The following GRM7 variants were observed in gnomAD, a reference collection of about 807,000 sequenced individuals.
GRM7 encodes the protein metabotropic glutamate receptor 7.
In GRM7, 35 loss-of-function variants were observed where a neutral mutation model predicts 84.5. The observed-to-expected ratio is 0.41, with a 90% confidence interval of 0.32 to 0.55. The LOEUF (loss-of-function observed/expected upper bound fraction) is 0.55, where lower values mean the gene tolerates loss of function less well. GRM7 is among the 20% of genes least tolerant of loss of function. GRM7 has a pLI of 0.19. For missense variants in GRM7, 1,003 were observed against 1,194.6 expected, an observed-to-expected ratio of 0.84 and a Z score of 2.36; for synonymous variants, 487 against 455.1, an observed-to-expected ratio of 1.07 and a Z score of -0.89.
chr3:7,291,286 T>A (rs1445659924), intron 2 of GRM7, among the ~76,000 whole-genome samples: 1 of 152,168 alleles, frequency 6.6e-6, no homozygotes, highest in Non-Finnish European at 1.5e-5. Flanking sequence ...TTTCATTTTC[T>A]CCCATATCAG....
chr3:7,665,390 T>C (rs980851727), intron 8 of GRM7, among the ~76,000 whole-genome samples: 1 of 151,888 alleles, frequency 6.6e-6, no homozygotes, highest in Admixed American at 6.5e-5. Flanking sequence ...TTAGCCAGGA[T>C]GGTCTCGATC....
chr3:7,044,179 T>G (rs193055509), intron 1 of GRM7, among the ~76,000 whole-genome samples: 48 of 152,310 alleles, frequency 3.2e-4, no homozygotes, highest in Admixed American at 2.7e-3. Flanking sequence ...CTTCTGTTTA[T>G]CTTCCAGACT....
chr3:7,009,613 A>G (rs1695301075), intron 1 of GRM7, among the ~76,000 whole-genome samples: 1 of 152,200 alleles, frequency 6.6e-6, no homozygotes, highest in African/African-American at 2.4e-5. Flanking sequence ...ATCAACAAAC[A>G]TAATGGATTT....
chr3:7,482,222 T>A (rs1025021125), intron 7 of GRM7, among the ~76,000 whole-genome samples: 1 of 151,958 alleles, frequency 6.6e-6, no homozygotes, highest in Non-Finnish European at 1.5e-5. Flanking sequence ...AAAACAGAAA[T>A]GAATATTTCA....
intron 8 of GRM7, among the ~76,000 whole-genome samples, chr3:7,652,773 T>A (rs914362101): frequency 6.6e-6 from 1 of 152,148 alleles, no homozygotes; most frequent in African/African-American, 2.4e-5. Context: ...AAGATGACAA[T>A]AAGGCCCAGA....
chr3:7,650,363 T>C (rs1264635521), intron 8 of GRM7, among the ~76,000 whole-genome samples: 2 of 152,204 alleles, frequency 1.3e-5, no homozygotes, highest in East Asian at 3.9e-4. Context: ...TACCCGTCTC[T>C]TATGCTGTGC....
At chr3:7,444,161 G>A (rs1267921766) in intron 5 of GRM7, among the ~76,000 whole-genome samples, 1 of 152,164 alleles carries the variant, frequency 6.6e-6, no homozygotes, top group South Asian at 2.1e-4. Context: ...TGAATGTCCT[G>A]AAAGTTCAAC....
intron 1 of GRM7, among the ~76,000 whole-genome samples, chr3:6,876,748 C>G (rs977058944): frequency 6.6e-6 from 1 of 151,844 alleles, no homozygotes; most frequent in Admixed American, 6.6e-5. Flanking sequence ...ATTATAGGCA[C>G]CCGTCACCAC....
rs147450563 is a variant in GRM7 at position 7,016,770 on chromosome 3, A to C, written c.520-129682A>C. Among the ~76,000 whole-genome samples the C allele has an allele frequency of 1.9e-3, 294 of 152,302 alleles. 2 individuals are homozygous for C. The highest frequency in any genetic ancestry group is 6.8e-3 in the African/African-American group (282 of 41,560). On this transcript the variant is annotated intron_variant, in intron 1 of 9. Coordinates refer to ENST00000357716, the MANE Select transcript of GRM7 (RefSeq NM_000844.4). ...TACAATATGTGACGTATTCATTTTA[A>C]TCCTCATGATTGCCACTATAGTATT...
At chr3:7,092,576 C>T (rs1698704820) in intron 1 of GRM7, among the ~76,000 whole-genome samples, 1 of 144,010 alleles carries the variant, frequency 6.9e-6, no homozygotes, top group Non-Finnish European at 1.5e-5. Flanking sequence ...TTGATGTTTT[C>T]AGCTGTAAAA....
chr3:6,894,387 C>T (rs4108607), intron 1 of GRM7, among the ~76,000 whole-genome samples: 84,376 of 151,892 alleles, frequency 0.56, 25,695 homozygotes, highest in African/African-American at 0.83. Flanking sequence ...AAGCAAATCC[C>T]ACTTCTAGCT....
At chr3:7,407,969 C>G (rs770976777) in intron 4 of GRM7, among the ~76,000 whole-genome samples, 11 of 152,172 alleles carry the variant, frequency 7.2e-5, no homozygotes, top group Non-Finnish European at 1.3e-4. Flanking sequence ...ATGCTGGACA[C>G]TGTTCTAAAA....
chr3:7,486,036 C>A lies in GRM7; in HGVS notation c.1515+24314C>A, dbSNP rs1370521694. Among the ~76,000 whole-genome samples, 7 of 152,256 alleles carry A rather than the reference C, an allele frequency of 4.6e-5. No individual in the cohort carries two copies. The highest frequency in any genetic ancestry group is 1.4e-4 in the African/African-American group (6 of 41,542). On this transcript the variant is annotated intron_variant, in intron 7 of 9. Coordinates refer to ENST00000357716, the MANE Select transcript of GRM7 (RefSeq NM_000844.4). The surrounding 1 kb of genome is among the most constrained non-coding windows in gnomAD (Gnocchi z 5.5). The stretch of plus-strand genomic sequence containing the variant: ...AATACAGTAAATGTGTATTTATTTA[C>A]ATACCACATCTTATAGAAGTTGAGA...
At chr3:6,945,647 C>T (rs912955557) in intron 1 of GRM7, among the ~76,000 whole-genome samples, 1 of 152,098 alleles carries the variant, frequency 6.6e-6, no homozygotes, top group Non-Finnish European at 1.5e-5. Flanking sequence ...CACCGACTTC[C>T]ACAATGGTTG....
chr3:7,585,447 C>G (rs1345742831), intron 8 of GRM7, among the ~76,000 whole-genome samples: 1 of 152,038 alleles, frequency 6.6e-6, no homozygotes, highest in Non-Finnish European at 1.5e-5. Flanking sequence ...CTTGCTTTAG[C>G]TAGAATAGCT....
chr3:7,287,288 G>C (rs1699464935), intron 2 of GRM7, among the ~76,000 whole-genome samples: 1 of 152,036 alleles, frequency 6.6e-6, no homozygotes, highest in Admixed American at 6.6e-5. Context: ...GACTTCTGTT[G>C]GAATTCTCTA....
chr3:7,528,559 GC>G (rs1017087723), intron 7 of GRM7, among the ~76,000 whole-genome samples: 7 of 151,798 alleles, frequency 4.6e-5, no homozygotes, highest in African/African-American at 1.7e-4. Context: ...TCTTCTGCTA[GC>G]TTTGTGTTTA....
At chr3:7,711,710 C>A (rs1038193790) in intron 9 of GRM7, among the ~76,000 whole-genome samples, 5 of 152,190 alleles carry the variant, frequency 3.3e-5, no homozygotes, top group Non-Finnish European at 2.9e-5. Context: ...TCTTTTAGTT[C>A]TCTCGATGCC....
intron 8 of GRM7, among the ~76,000 whole-genome samples, chr3:7,665,276 A>T (rs895469672): frequency 9.0e-5 from 13 of 144,248 alleles, no homozygotes; most frequent in African/African-American, 3.4e-4. Flanking sequence ...GGTTCACGCC[A>T]TTCTCCTGCC....
Sources: allele counts gnomAD v4.1 joint callset (sites outside exome capture counted in the v4.1 genomes callset), GRCh38; gene constraint gnomAD v4.1.1; non-coding constraint Gnocchi (gnomAD v3.1); transcripts MANE v1.5; gene names NCBI Gene and HGNC (gene_info 2026-07-23, HGNC 2026-07-21).